Variants in FGD3 observed in about 807,000 individuals in gnomAD.
FGD3 encodes FYVE, RhoGEF and PH domain containing 3.
A neutral mutation model predicts 71.8 loss-of-function variants in FGD3; 45 were observed. That is an observed-to-expected ratio of 0.63 (90% CI 0.49 to 0.80). The LOEUF is 0.80. Ranked by LOEUF, FGD3 falls within the 30% of genes least tolerant of loss-of-function variation. The pLI is 0.00. For synonymous variants in FGD3, 378 were observed against 392.8 expected (o/e 0.96, Z 0.44); for missense variants, 844 against 951.5 (o/e 0.89, Z 1.49).
chr9:93,033,280 C>G (rs1862429636), intron 16 of FGD3: 1 of 296,714 alleles, frequency 3.4e-6, no homozygotes, highest in East Asian at 9.0e-5. Context: ...GGCAGGCACC[C>G]CCTCCTCCTC....
At chr9:93,025,297 C>T (rs10992584) in intron 14 of FGD3, among the ~76,000 whole-genome samples, 8,693 of 152,306 alleles carry the variant, frequency 0.057, 348 homozygotes, top group African/African-American at 0.11. Flanking sequence ...GCTGGGCCCA[C>T]GACAGACCAC....
At chr9:92,951,179 G>C (rs1487851076) in intron 1 of FGD3, among the ~76,000 whole-genome samples, 1 of 152,164 alleles carries the variant, frequency 6.6e-6, no homozygotes, top group African/African-American at 2.4e-5. Context: ...ATGGTATATA[G>C]CATACTAATA....
intron 1 of FGD3, among the ~76,000 whole-genome samples, chr9:92,961,610 C>G (rs914100472): frequency 1.5e-4 from 23 of 152,174 alleles, no homozygotes; most frequent in African/African-American, 5.6e-4. Context: ...CAATAGGAAA[C>G]ACTTAACTCT....
At position 93,011,288 on chromosome 9, in the gene FGD3, C is replaced by T. The variant is rs370932555; in HGVS notation, c.1035+16C>T. Reference sequence around the variant, plus strand: ...TCGGAAAGTGGTGAGTGTGGGGCTCCAGTGGCGACCGGCAGGGTGGTGCAG... The same window carrying T: ...TCGGAAAGTGGTGAGTGTGGGGCTCTAGTGGCGACCGGCAGGGTGGTGCAG... On this transcript the variant is annotated intron_variant, in intron 8 of 17. Coordinates refer to ENST00000375482, the MANE Select transcript of FGD3 (RefSeq NM_001083536.2). 13 of 1,613,952 alleles carry T rather than the reference C, an allele frequency of 8.1e-6. No homozygotes were observed. In the African/African-American group the frequency reaches 1.3e-4, roughly 17 times the overall value.
chr9:93,016,121 A>G (rs933129822), intron 10 of FGD3, among the ~76,000 whole-genome samples: 2 of 152,158 alleles, frequency 1.3e-5, no homozygotes, highest in African/African-American at 4.8e-5. Flanking sequence ...TGGCACCAGG[A>G]CCTGGACTGA....
At chr9:93,001,899 G>GA (rs1469962277) in intron 3 of FGD3, among the ~76,000 whole-genome samples, 1 of 152,186 alleles carries the variant, frequency 6.6e-6, no homozygotes, top group African/African-American at 2.4e-5. Flanking sequence ...TTATAAAAGA[G>GA]AAAGTTCATG....
At chr9:92,994,915 C>T (rs1045029268) in intron 3 of FGD3, among the ~76,000 whole-genome samples, 1 of 152,148 alleles carries the variant, frequency 6.6e-6, no homozygotes, top group Non-Finnish European at 1.5e-5. Flanking sequence ...CATGATGCCT[C>T]CAGCTTTGTT....
intron 14 of FGD3, among the ~76,000 whole-genome samples, chr9:93,028,373 G>A (rs1235715406): frequency 1.3e-5 from 2 of 151,208 alleles, no homozygotes; most frequent in African/African-American, 4.9e-5. Flanking sequence ...AACACCTGCA[G>A]GCTTCAGTTT....
intron 1 of FGD3, among the ~76,000 whole-genome samples, chr9:92,966,778 G>A (rs1300424562): frequency 6.6e-6 from 1 of 152,230 alleles, no homozygotes; most frequent in Non-Finnish European, 1.5e-5. Flanking sequence ...ACCCCCAGCT[G>A]GGCAGGGAGG....
intron 15 of FGD3, chr9:93,032,384 T>C (rs1372195981): frequency 1.5e-5 from 3 of 201,808 alleles, no homozygotes; most frequent in Non-Finnish European, 1.0e-5. Flanking sequence ...TTGTCATTGT[T>C]TGTCTGGAAA....
chr9:93,023,795 C>CCTTTTTTTTTTTTTTTTTTTTT (rs1862017356), intron 14 of FGD3, among the ~76,000 whole-genome samples: 2 of 107,672 alleles, frequency 1.9e-5, no homozygotes, highest in African/African-American at 7.8e-5. Context: ...CCATCAGCAA[C>CCTTTTTTTTTTTTTTTTTTTTT]TTTTTTTTTT....
intron 1 of FGD3, among the ~76,000 whole-genome samples, chr9:92,955,715 C>T (rs1020906559): frequency 6.6e-6 from 1 of 152,088 alleles, no homozygotes; most frequent in African/African-American, 2.4e-5. Context: ...CCTCCTGTGG[C>T]CCTTTGATGT....
intron 3 of FGD3, among the ~76,000 whole-genome samples, chr9:92,999,014 G>A (rs1860754308): frequency 6.6e-6 from 1 of 152,166 alleles, no homozygotes. Context: ...AGACAGGGAC[G>A]TTTAACTCTG....
At chr9:92,950,914 C>T (rs923636156) in intron 1 of FGD3, among the ~76,000 whole-genome samples, 1 of 152,164 alleles carries the variant, frequency 6.6e-6, no homozygotes, top group Admixed American at 6.5e-5. Context: ...TGCCACGTCC[C>T]CTGCGTCCAG....
At chr9:92,978,418 C>T (rs1255380616) in intron 3 of FGD3, among the ~76,000 whole-genome samples, 1 of 124,650 alleles carries the variant, frequency 8.0e-6, no homozygotes, top group Non-Finnish European at 1.7e-5. Flanking sequence ...CGCCCACCCC[C>T]CCACCCCACC....
In FGD3 at chr9:92,947,590, CT is replaced by C. The variant is rs1858879289; in HGVS notation, c.-356del. 1 of 152,532 alleles carries C rather than the reference CT, an allele frequency of 6.6e-6. No individual in the cohort carries two copies. The highest frequency in any genetic ancestry group is 1.5e-5 in the Non-Finnish European group (1 of 68,302). The allele number at this position is 152,532 out of a possible 1,614,324, so 9.4% of individuals were successfully genotyped here. A position where few individuals can be genotyped will look rare whatever the true frequency, so the allele number is the denominator to read the frequency against. On this transcript the variant is annotated 5_prime_UTR_variant, in exon 1 of 18. Transcript: ENST00000375482. Reference sequence around the variant, plus strand: ...AGGTCCCCAAGGAGACCCCAGCCTCCTGCTGCCCACTGTGAGCGACCTCCCC... The same window carrying C: ...AGGTCCCCAAGGAGACCCCAGCCTCCGCTGCCCACTGTGAGCGACCTCCCC...
At chr9:93,005,317 C>T (rs561183793) in intron 5 of FGD3, among the ~76,000 whole-genome samples, 3 of 151,988 alleles carry the variant, frequency 2.0e-5, no homozygotes, top group Admixed American at 1.3e-4. Context: ...TAAGTAGAGA[C>T]GGGGTTTCAC....
Position 93,020,313 on chromosome 9 carries a change from C to A in FGD3, c.1387-4C>A. ...AGTCCTCACTGTTGTGTTGCTGTGTCCAGATCATCCAGGCCACCATCGAGA... is the reference window on the plus strand; with the variant it reads ...AGTCCTCACTGTTGTGTTGCTGTGTACAGATCATCCAGGCCACCATCGAGA... On this transcript the variant is annotated splice_region_variant and splice_polypyrimidine_tract_variant and intron_variant, in intron 12 of 17. Coordinates refer to ENST00000375482, the MANE Select transcript of FGD3 (RefSeq NM_001083536.2). 1 of 1,609,780 alleles carries A rather than the reference C, an allele frequency of 6.2e-7. No homozygotes were observed. The highest frequency in any genetic ancestry group is 1.1e-5 in the South Asian group (1 of 90,902).
In FGD3 at chr9:92,966,385, G is replaced by A. The variant is rs117169063; in HGVS notation, c.-217-8853G>A. On this transcript the variant is annotated intron_variant, in intron 1 of 17. Coordinates refer to ENST00000375482, the MANE Select transcript of FGD3 (RefSeq NM_001083536.2). ...CCCACTCCCTCCTTCTGAGCTTGCT[G>A]CCTGCCGGTGAGTGTCCCTGGTCTC... Among the ~76,000 whole-genome samples, 719 of 152,294 alleles carry A rather than the reference G, an allele frequency of 4.7e-3. 14 individuals carry two copies. Among genetic ancestry groups the A allele is most frequent in the East Asian group, 1.2e-3 (6 of 5,186 alleles).
Sources: allele counts gnomAD v4.1 joint callset (sites outside exome capture counted in the v4.1 genomes callset), GRCh38; gene constraint gnomAD v4.1.1; transcripts MANE v1.5; gene names NCBI Gene and HGNC (gene_info 2026-07-23, HGNC 2026-07-21).